PCMTD2: variants seen among roughly 807,000 people sequenced by gnomAD.
PCMTD2 encodes the protein protein-L-isoaspartate (D-aspartate) O-methyltransferase domain containing 2, also known as protein-L-isoaspartate O-methyltransferase domain-containing protein 2.
A neutral mutation model predicts 33.4 loss-of-function variants in PCMTD2; 16 were observed. The observed-to-expected ratio is 0.48, with a 90% CI of 0.32 to 0.73. The LOEUF (loss-of-function observed/expected upper bound fraction) is 0.73. Ranked by LOEUF, PCMTD2 falls within the 30% of genes least tolerant of loss-of-function variation. PCMTD2 has a pLI of 0.03. For missense variants in PCMTD2, 374 were observed against 449.9 expected (o/e 0.83, Z 1.53); for synonymous variants, 161 against 160.8 (o/e 1.00, Z -0.01).
chr20:64,259,203 C>T (rs1032290436), intron 1 of PCMTD2, among the ~76,000 whole-genome samples: 2 of 152,160 alleles, frequency 1.3e-5, no homozygotes, highest in African/African-American at 4.8e-5. Context: ...AGGTATTTGT[C>T]ACAGTACGTT....
Position 64,265,241 on chromosome 20 carries a change from G to A in PCMTD2, c.411-17G>A. 6.3e-7 allele frequency: 1 copy of A among 1,579,884 alleles called. No homozygotes were observed. Among genetic ancestry groups the A allele is most frequent in the Non-Finnish European group, 8.6e-7 (1 of 1,162,384 alleles). On this transcript the variant is annotated splice_polypyrimidine_tract_variant and intron_variant, in intron 3 of 5. Transcript: ENST00000308824. ...AATGTGATACTTTTAGTTGCAGGAA[G>A]CATTTTTTACTTCCAGGTTTGACTT...
At chr20:64,257,619 T>C (rs1231724442) in intron 1 of PCMTD2, among the ~76,000 whole-genome samples, 2 of 152,176 alleles carry the variant, frequency 1.3e-5, no homozygotes, top group South Asian at 2.1e-4. Context: ...GAGTGTTAGA[T>C]TACCAGACAA....
intron 2 of PCMTD2, among the ~76,000 whole-genome samples, chr20:64,261,551 CAGTG>C (rs1429656923): frequency 2.6e-5 from 4 of 151,854 alleles, no homozygotes; most frequent in Non-Finnish European, 4.4e-5. Context: ...GCCTAGGTGA[CAGTG>C]AGACTCCGTC....
At chr20:64,269,649 G>A (rs1436861184) in intron 5 of PCMTD2, among the ~76,000 whole-genome samples, 4 of 151,454 alleles carry the variant, frequency 2.6e-5, no homozygotes, top group African/African-American at 9.7e-5. Flanking sequence ...TAGATGCGTG[G>A]TGTGGGGTGT....
At chr20:64,271,515 C>T (rs1011241458) in intron 5 of PCMTD2, 3 of 152,268 alleles carry the variant, frequency 2.0e-5, no homozygotes, top group Non-Finnish European at 2.9e-5. Context: ...GTGAGGTGTT[C>T]GTTGTCTGTG....
intron 3 of PCMTD2, 114 bp from the exon 4 acceptor site, chr20:64,265,144 C>G (rs902526345): frequency 1.5e-6 from 1 of 652,472 alleles, no homozygotes; most frequent in African/African-American, 1.8e-5. Context: ...GCTCCTCACA[C>G]TGTAAACTGT....
chr20:64,259,763 A>AT (rs1162234789), intron 1 of PCMTD2, 179 bp from the exon 2 acceptor site: 17 of 554,034 alleles, frequency 3.1e-5, no homozygotes, highest in Middle Eastern at 9.4e-4. Flanking sequence ...TTGAACTGGG[A>AT]TTTTTTTTCC....
intron 4 of PCMTD2, among the ~76,000 whole-genome samples, chr20:64,267,549 C>T (rs1400887075): frequency 6.6e-6 from 1 of 152,116 alleles, no homozygotes; most frequent in African/African-American, 2.4e-5. Context: ...TCAATATTGA[C>T]TTTTTTGGAG....
In PCMTD2 at chr20:64,276,144, G is replaced by C. The variant is rs1026441698; in HGVS notation, c.*2544G>C. ...ATGTGTTTACTTTCAGCAAATATTT[G>C]TATTACTGCTTGATTCTGTGACAGT... On this transcript the variant is annotated 3_prime_UTR_variant, in exon 6 of 6. Coordinates refer to ENST00000308824, the MANE Select transcript of PCMTD2 (RefSeq NM_018257.3). 1 of 152,024 alleles carries C rather than the reference G, an allele frequency of 6.6e-6. No homozygotes were observed. Among genetic ancestry groups the C allele is most frequent in the Admixed American group, 6.6e-5 (1 of 15,260 alleles). 9.4% of individuals were successfully genotyped at this position (152,024 alleles called of 1,614,324 possible). A position where few individuals can be genotyped will look rare whatever the true frequency, so the allele number is the denominator to read the frequency against.
intron 3 of PCMTD2, among the ~76,000 whole-genome samples, chr20:64,264,955 T>G (rs1332672744): frequency 6.6e-6 from 1 of 152,242 alleles, no homozygotes; most frequent in Non-Finnish European, 1.5e-5. Flanking sequence ...TATTAATAGA[T>G]CTTACATAAG....
intron 4 of PCMTD2, among the ~76,000 whole-genome samples, chr20:64,267,090 T>G (rs891377794): frequency 4.6e-5 from 7 of 152,224 alleles, no homozygotes; most frequent in African/African-American, 1.4e-4. Flanking sequence ...AAGGCCAGCA[T>G]ATAATCATAG....
At chr20:64,261,166 T>C (rs1568732769) in intron 2 of PCMTD2, among the ~76,000 whole-genome samples, 1 of 152,106 alleles carries the variant, frequency 6.6e-6, no homozygotes, top group Non-Finnish European at 1.5e-5. Flanking sequence ...AGGAAAAACA[T>C]CACTTGGTGC....
At chr20:64,261,971 G>A (rs558265507) in intron 2 of PCMTD2, among the ~76,000 whole-genome samples, 1 of 152,324 alleles carries the variant, frequency 6.6e-6, no homozygotes, top group African/African-American at 2.4e-5. Flanking sequence ...AGCCTGAAAT[G>A]GTGGGGCGTG....
intron 5 of PCMTD2, among the ~76,000 whole-genome samples, chr20:64,270,416 AGT>A (rs923511432): frequency 7.1e-6 from 1 of 141,080 alleles, no homozygotes; most frequent in Non-Finnish European, 1.5e-5. Context: ...GTGTGGGGTG[AGT>A]GTGGGCACAC....
At chr20:64,269,083 C>G (rs372407242) in intron 5 of PCMTD2, among the ~76,000 whole-genome samples, 24 of 152,244 alleles carry the variant, frequency 1.6e-4, no homozygotes, top group Admixed American at 1.2e-3. Flanking sequence ...GGAGAAACTA[C>G]TGGTATGTAG....
chr20:64,269,382 G>A (rs1362869290), intron 5 of PCMTD2, among the ~76,000 whole-genome samples: 3 of 152,330 alleles, frequency 2.0e-5, no homozygotes, highest in Non-Finnish European at 4.4e-5. Flanking sequence ...TCCCTGTGGG[G>A]TTCGTCTGGC....
chr20:64,269,072 G>A lies in PCMTD2; in HGVS notation c.706+1062G>A, dbSNP rs190003220. ...CCGTGTAGTCAGAGTTGGGACTGAT[G>A]GGAGAAACTACTGGTATGTAGGTTA... On this transcript the variant is annotated intron_variant, in intron 5 of 5. Transcript: ENST00000308824. 5.0e-3 allele frequency among the ~76,000 whole-genome samples: 754 copies of A among 152,304 alleles called. 3 individuals are homozygous for A. Among genetic ancestry groups the A allele is most frequent in the Admixed American group, 8.8e-3 (134 of 15,296 alleles).
At chr20:64,257,119 C>T (rs946350223) in intron 1 of PCMTD2, 1 of 152,202 alleles carries the variant, frequency 6.6e-6, no homozygotes, top group Non-Finnish European at 1.5e-5. Context: ...GGGTCCTTTT[C>T]CCCACTCATC....
At chr20:64,269,174 A>G (rs1156479501) in intron 5 of PCMTD2, among the ~76,000 whole-genome samples, 1 of 152,228 alleles carries the variant, frequency 6.6e-6, no homozygotes, top group Non-Finnish European at 1.5e-5. Context: ...TGTATCCTGG[A>G]TAAGCCTGGT....
Sources: gnomAD v4.1 joint callset for allele counts (sites outside exome capture counted in the v4.1 genomes callset) on GRCh38, gnomAD v4.1.1 for gene constraint, MANE v1.5 for transcripts, NCBI Gene and HGNC (gene_info 2026-07-23, HGNC 2026-07-21) for gene names.